Variants in POU6F2 observed in about 807,000 individuals in gnomAD.
POU6F2 encodes the protein POU class 6 homeobox 2.
Under a neutral mutation model 71.3 loss-of-function variants are expected in POU6F2, and 31 were observed. The ratio of observed to expected loss-of-function variants is 0.43; its 90% confidence interval spans 0.33 to 0.59. The LOEUF is 0.59. Among genes scored for constraint, POU6F2 ranks in the 20% least tolerant of loss-of-function variants. POU6F2 has a pLI of 0.04. For missense variants in POU6F2, 783 were observed against 856.8 expected, an observed-to-expected ratio of 0.91 and a Z score of 1.07; for synonymous variants, 347 against 355.7, an observed-to-expected ratio of 0.98 and a Z score of 0.27.
intron 4 of POU6F2, among the ~76,000 whole-genome samples, chr7:39,288,315 A>G (rs781450793): frequency 6.6e-6 from 1 of 152,156 alleles, no homozygotes; most frequent in Non-Finnish European, 1.5e-5. Context: ...CAGCTATGTG[A>G]CATGGCAAAT....
At chr7:39,262,722 T>C (rs1784160274) in intron 4 of POU6F2, among the ~76,000 whole-genome samples, 1 of 145,098 alleles carries the variant, frequency 6.9e-6, no homozygotes, top group Non-Finnish European at 1.5e-5. Flanking sequence ...ATTTTATTTA[T>C]AGCATAGTTG....
At chr7:39,203,409 T>C (rs1221306427) in intron 2 of POU6F2, among the ~76,000 whole-genome samples, 2 of 152,214 alleles carry the variant, frequency 1.3e-5, no homozygotes, top group African/African-American at 4.8e-5. Context: ...TCTCAAAAAT[T>C]GCCACTGGTT....
At chr7:39,098,440 A>ATTT (rs75448716) in intron 2 of POU6F2, among the ~76,000 whole-genome samples, 52 of 144,914 alleles carry the variant, frequency 3.6e-4, no homozygotes, top group African/African-American at 1.2e-3. Context: ...CACTCAGCTA[A>ATTT]TTTTTTTTTT....
At chr7:39,387,395 T>C (rs934228706) in intron 5 of POU6F2, among the ~76,000 whole-genome samples, 1 of 152,242 alleles carries the variant, frequency 6.6e-6, no homozygotes, top group Admixed American at 6.5e-5. Context: ...AGACTTCTTC[T>C]TTTACAGACC....
At chr7:39,200,294 T>C (rs536890069) in intron 2 of POU6F2, among the ~76,000 whole-genome samples, 94 of 152,332 alleles carry the variant, frequency 6.2e-4, no homozygotes, top group Non-Finnish European at 9.7e-4. Flanking sequence ...AGCTACGCTT[T>C]AGATGCTCTG....
At chr7:39,177,541 C>G (rs1023622932) in intron 2 of POU6F2, among the ~76,000 whole-genome samples, 1 of 152,214 alleles carries the variant, frequency 6.6e-6, no homozygotes. Flanking sequence ...AAAATCAACA[C>G]TATTTGTGTT....
intron 4 of POU6F2, among the ~76,000 whole-genome samples, chr7:39,251,330 C>T (rs1016742171): frequency 1.3e-5 from 2 of 152,108 alleles, no homozygotes; most frequent in Non-Finnish European, 2.9e-5. Flanking sequence ...GGAGATATTT[C>T]CACTTAAAAC....
intron 4 of POU6F2, among the ~76,000 whole-genome samples, chr7:39,279,659 C>T (rs983662751): frequency 2.0e-5 from 3 of 152,208 alleles, no homozygotes; most frequent in Middle Eastern, 3.2e-3. Flanking sequence ...TTTGGCATTT[C>T]CTGGCTTGTA....
intron 2 of POU6F2, among the ~76,000 whole-genome samples, chr7:39,143,483 G>A (rs1792549841): frequency 6.6e-6 from 1 of 152,210 alleles, no homozygotes; most frequent in Non-Finnish European, 1.5e-5. Context: ...CTTCAAAGAT[G>A]ATAGAGAATT....
Position 39,325,475 on chromosome 7 carries a change from C to T in POU6F2, c.599-14167C>T, listed in dbSNP as rs763159092. Among the ~76,000 whole-genome samples the T allele has an allele frequency of 2.6e-5, 4 of 152,224 alleles. No homozygotes were observed. The East Asian group carries it at 7.7e-4, about 29-fold the overall frequency. On this transcript the variant is annotated intron_variant, in intron 4 of 9. Transcript: ENST00000518318. ...CAGCCTAGATAAGAAAGATTCGTGG[C>T]GATGTGAGAGAAATTAAAGAGAGAA...
At chr7:39,293,081 C>G (rs995257035) in intron 4 of POU6F2, among the ~76,000 whole-genome samples, 1 of 152,158 alleles carries the variant, frequency 6.6e-6, no homozygotes, top group Admixed American at 6.5e-5. Context: ...AGCTCTGACA[C>G]CTTTCTCGGT....
At position 39,222,931 on chromosome 7, in the gene POU6F2, C is replaced by T. The variant is rs766438046; in HGVS notation, c.598+15311C>T. On this transcript the variant is annotated intron_variant, in intron 4 of 9. Coordinates refer to ENST00000518318, the MANE Select transcript of POU6F2 (RefSeq NM_001370959.1). ...CCCAGAAGAGGAATGCTAGATCATACGGTAATTCTACATCTAATCATTTGG... is the reference window on the plus strand; with the variant it reads ...CCCAGAAGAGGAATGCTAGATCATATGGTAATTCTACATCTAATCATTTGG... Among the ~76,000 whole-genome samples, 32 of 152,270 alleles carry T rather than the reference C, an allele frequency of 2.1e-4. 1 individual carries two copies. The Middle Eastern group carries it at 0.01, about 49-fold the overall frequency.
intron 5 of POU6F2, among the ~76,000 whole-genome samples, chr7:39,355,417 T>G (rs1406400016): frequency 6.6e-6 from 1 of 152,124 alleles, no homozygotes; most frequent in Admixed American, 6.5e-5. Flanking sequence ...ACATATATAT[T>G]TTGTATGTAT....
Position 39,207,454 on chromosome 7 carries a change from A to G in POU6F2, c.432A>G (p.Pro144=). ...CCGGCGTGATGCCGGGAGGCCCCCC[A>G]GCCCTCAACCAGCCAATCCTCATTC... is the stretch of plus-strand genomic sequence containing the variant. ...AVAGVMPGGP[P]ALNQPILIPF... Residue 144 remains proline (P), a synonymous_variant, in exon 4 of 10, where the codon CCA becomes CCG. Transcript: ENST00000518318. The G allele has an allele frequency of 5.0e-6, 8 of 1,614,030 alleles. No individual in the cohort carries two copies. Among genetic ancestry groups the G allele is most frequent in the Non-Finnish European group, 5.1e-6 (6 of 1,179,876 alleles).
chr7:39,430,276 G>T (rs1788069472), intron 6 of POU6F2, among the ~76,000 whole-genome samples: 1 of 152,200 alleles, frequency 6.6e-6, no homozygotes, highest in South Asian at 2.1e-4. Context: ...AATAAGAAAT[G>T]CATAGTGCCA....
chr7:38,989,201 C>T (rs866315321), intron 1 of POU6F2, among the ~76,000 whole-genome samples: 8 of 151,974 alleles, frequency 5.3e-5, no homozygotes, highest in South Asian at 2.1e-4. Flanking sequence ...TAGATGTGTC[C>T]GACTTCAAAT....
chr7:39,421,415 A>T (rs1375632665), intron 6 of POU6F2, among the ~76,000 whole-genome samples: 3 of 152,202 alleles, frequency 2.0e-5, no homozygotes, highest in Non-Finnish European at 4.4e-5. Flanking sequence ...GACTCATGAA[A>T]CTGAGTGGTG....
intron 2 of POU6F2, among the ~76,000 whole-genome samples, chr7:39,099,022 C>T (rs1377852978): frequency 1.3e-5 from 2 of 152,152 alleles, no homozygotes; most frequent in Non-Finnish European, 2.9e-5. Flanking sequence ...AACACCCCTT[C>T]TTCAGTCTTT....
chr7:39,288,468 C>T (rs968113093), intron 4 of POU6F2, among the ~76,000 whole-genome samples: 1 of 152,172 alleles, frequency 6.6e-6, no homozygotes, highest in Non-Finnish European at 1.5e-5. Context: ...AACACTAGTT[C>T]CTTTCTTCTT....
Sources: allele counts gnomAD v4.1 joint callset (sites outside exome capture counted in the v4.1 genomes callset), GRCh38; gene constraint gnomAD v4.1.1; transcripts MANE v1.5; gene names NCBI Gene and HGNC (gene_info 2026-07-23, HGNC 2026-07-21).